Variants in ARHGAP21 observed in about 807,000 individuals in gnomAD.
ARHGAP21 encodes Rho GTPase activating protein 21.
In ARHGAP21, 38 loss-of-function variants were observed where a neutral mutation model predicts 164.6. The ratio of observed to expected loss-of-function variants is 0.23; its 90% confidence interval spans 0.18 to 0.30. ARHGAP21 has a LOEUF of 0.30. Ranked by LOEUF, ARHGAP21 falls within the 10% of genes least tolerant of loss-of-function variation. ARHGAP21 has a pLI of 1.00. For synonymous variants in ARHGAP21, 766 were observed against 857.9 expected, an observed-to-expected ratio of 0.89 and a Z score of 1.87; for missense variants, 1,822 against 2,370.7, an observed-to-expected ratio of 0.77 and a Z score of 4.81.
At position 24,586,030 on chromosome 10, in the gene ARHGAP21, T is replaced by C. The variant is rs764779961; in HGVS notation, c.4259A>G (p.Lys1420Arg). Reference sequence around the variant, plus strand: ...TGCTTTTTCTTTCGGCTTCTTCCTCTTGCGACTAGCAGCTGCAAAGATGGA... The same window carrying C: ...TGCTTTTTCTTTCGGCTTCTTCCTCCTGCGACTAGCAGCTGCAAAGATGGA... Reference protein sequence around the residue: ...VSSIFAAASRKRKKPKEKAQP... With the variant: ...VSSIFAAASRRRKKPKEKAQP... Residue 1420 changes from lysine (K) to arginine (R), a missense_variant, in exon 26 of 26, where the codon AAG becomes AGG. Around this residue, in one of 5 missense-constraint regions of ARHGAP21, gnomAD observed 333 missense variants for 383.9 expected, o/e 0.87. Coordinates refer to ENST00000396432, the MANE Select transcript of ARHGAP21 (RefSeq NM_020824.4). The C allele has an allele frequency of 2.5e-6, 4 of 1,614,188 alleles. No individual in the cohort carries two copies. The highest frequency in any genetic ancestry group is 1.7e-6 in the Non-Finnish European group (2 of 1,180,044).
At chr10:24,672,325 C>T (rs1279034519) in intron 2 of ARHGAP21, among the ~76,000 whole-genome samples, 2 of 152,142 alleles carry the variant, frequency 1.3e-5, no homozygotes, top group African/African-American at 4.8e-5. Context: ...ATTTTCTCAA[C>T]TTGACTTCTC....
chr10:24,675,060 A>T (rs1051369640), intron 2 of ARHGAP21, among the ~76,000 whole-genome samples: 1 of 152,206 alleles, frequency 6.6e-6, no homozygotes, highest in Non-Finnish European at 1.5e-5. Flanking sequence ...CTACCATATG[A>T]CACCGCCATT....
chr10:24,596,114 A>G, intron 17 of ARHGAP21, 71 bp from the exon 18 acceptor site: 2 of 1,314,624 alleles, frequency 1.5e-6, no homozygotes, highest in Middle Eastern at 1.9e-4. Context: ...CACAGCTAAA[A>G]TGCCCCTTTC....
At chr10:24,644,181 G>A (rs1472805227) in intron 4 of ARHGAP21, among the ~76,000 whole-genome samples, 1 of 151,924 alleles carries the variant, frequency 6.6e-6, no homozygotes, top group Non-Finnish European at 1.5e-5. Context: ...GTCCTCTTCA[G>A]GACCTTGCCA....
chr10:24,584,832 C>A lies in ARHGAP21; in HGVS notation c.5457G>T (p.Trp1819Cys). The A allele has an allele frequency of 6.2e-7, 1 of 1,613,954 alleles. No individual in the cohort carries two copies. Residue 1819 changes from tryptophan (W) to cysteine (C), a missense_variant, in exon 26 of 26, where the codon TGG becomes TGT. Physicochemically the swap from Trp to Cys is radical, Grantham distance 215. Coordinates refer to ENST00000396432, the MANE Select transcript of ARHGAP21 (RefSeq NM_020824.4). ...DATEISVLNFWKVHEQSGERE... is the reference protein window; with the variant it reads ...DATEISVLNFCKVHEQSGERE... ...TCTCCCCGCTCTGCTCATGCACTTT[C>A]CAAAAATTCAAAACGCTGATTTCGG...
chr10:24,691,563 G>A (rs7072995), intron 2 of ARHGAP21, among the ~76,000 whole-genome samples: 2,642 of 152,318 alleles, frequency 0.017, 68 homozygotes, highest in African/African-American at 0.053. Context: ...ACACATTTTA[G>A]AGGCATTGGT....
intron 2 of ARHGAP21, among the ~76,000 whole-genome samples, chr10:24,678,279 C>T (rs764174076): frequency 9.2e-5 from 14 of 152,170 alleles, no homozygotes; most frequent in Non-Finnish European, 1.8e-4. Context: ...TACCTGTACT[C>T]GTTGTGTGTT....
chr10:24,591,189 C>A, intron 24 of ARHGAP21, 36 bp downstream of exon 24: 1 of 1,483,614 alleles, frequency 6.7e-7, no homozygotes, highest in South Asian at 1.2e-5. Flanking sequence ...ATGTAGCTTT[C>A]AGCCTAGAGG....
intron 9 of ARHGAP21, among the ~76,000 whole-genome samples, chr10:24,618,146 A>G (rs1189818342): frequency 6.6e-6 from 1 of 152,182 alleles, no homozygotes; most frequent in Non-Finnish European, 1.5e-5. Flanking sequence ...ATAAGTCATC[A>G]CCTGTTAGCA....
intron 4 of ARHGAP21, among the ~76,000 whole-genome samples, chr10:24,637,361 G>A (rs1288191771): frequency 6.6e-6 from 1 of 152,178 alleles, no homozygotes; most frequent in Admixed American, 6.5e-5. Context: ...ATTTACAATA[G>A]TTGGCATTAA....
rs372303649 is a variant in ARHGAP21 at position 24,607,568 on chromosome 10, G to A, written c.2615C>T (p.Pro872Leu). 101 of 1,613,860 alleles carry A rather than the reference G, an allele frequency of 6.3e-5. No individual in the cohort carries two copies. The highest frequency in any genetic ancestry group is 7.9e-5 in the Non-Finnish European group (93 of 1,180,012). The part of the protein sequence containing the change: ...SVGPPSLDAQ[P>L]NSKTERSKSY... Reference sequence around the variant, plus strand: ...TTTTGATCTTTCTGTCTTTGAGTTGGGCTGAGCATCCAGGCTAGGAGGGCC... The same window carrying A: ...TTTTGATCTTTCTGTCTTTGAGTTGAGCTGAGCATCCAGGCTAGGAGGGCC... The change falls in exon 11 of 26, where the codon CCC becomes CTC. Residue 872 changes from proline (P) to leucine (L), a missense_variant. Physicochemically the swap from Pro to Leu is moderately conservative, Grantham distance 98. This residue lies in a region of ARHGAP21 where 1,090 missense variants were observed against 1,378.9 expected (regional missense o/e 0.79). Transcript: ENST00000396432.
intron 2 of ARHGAP21, among the ~76,000 whole-genome samples, chr10:24,693,227 T>C (rs548318835): frequency 6.6e-6 from 1 of 152,380 alleles, no homozygotes; most frequent in South Asian, 2.1e-4. Flanking sequence ...TTTTATGTAC[T>C]GCTATATTTC....
At chr10:24,602,378 T>C (rs892497656) in intron 12 of ARHGAP21, among the ~76,000 whole-genome samples, 2 of 152,206 alleles carry the variant, frequency 1.3e-5, no homozygotes, top group Non-Finnish European at 2.9e-5. Context: ...TTGTGATTTA[T>C]GTTATTTGAA....
chr10:24,666,876 T>C, intron 4 of ARHGAP21, 109 bp downstream of exon 4: 1 of 744,034 alleles, frequency 1.3e-6, no homozygotes, highest in Admixed American at 3.5e-5. Flanking sequence ...TAAGAACTAT[T>C]ATATATTTGA....
At chr10:24,618,766 G>T (rs1319280702) in intron 9 of ARHGAP21, among the ~76,000 whole-genome samples, 25 of 152,156 alleles carry the variant, frequency 1.6e-4, no homozygotes. Context: ...GGGCCTTTCA[G>T]ATCACGGGAG....
intron 4 of ARHGAP21, among the ~76,000 whole-genome samples, chr10:24,645,429 C>G (rs1436210858): frequency 6.6e-6 from 1 of 151,738 alleles, no homozygotes; most frequent in African/African-American, 2.4e-5. Context: ...AAAAAAAATA[C>G]AAAAATTAGC....
chr10:24,722,936 G>A (rs563242740), intron 1 of ARHGAP21, among the ~76,000 whole-genome samples: 1 of 152,102 alleles, frequency 6.6e-6, no homozygotes, highest in African/African-American at 2.4e-5. Context: ...CTCTGAAGTC[G>A]CGGCTTTTCC....
intron 9 of ARHGAP21, among the ~76,000 whole-genome samples, chr10:24,615,299 A>G (rs956796578): frequency 1.3e-5 from 2 of 152,232 alleles, no homozygotes; most frequent in African/African-American, 4.8e-5. Flanking sequence ...CTTCTAAACC[A>G]TCTGGATATG....
chr10:24,650,916 G>C (rs1484942732), intron 4 of ARHGAP21, among the ~76,000 whole-genome samples: 1 of 151,956 alleles, frequency 6.6e-6, no homozygotes, highest in Admixed American at 6.6e-5. Context: ...ATGGCTGAGA[G>C]ACTGACCAGC....
Sources: gnomAD v4.1 joint callset for allele counts (sites outside exome capture counted in the v4.1 genomes callset) on GRCh38, gnomAD v4.1.1 for gene constraint, gnomAD v4.1.1 regional missense constraint, MANE v1.5 for transcripts, NCBI Gene and HGNC (gene_info 2026-07-23, HGNC 2026-07-21) for gene names.